SYN3: variants seen among roughly 807,000 people sequenced by gnomAD.
SYN3 encodes synapsin-3.
In SYN3, 35 loss-of-function variants were observed where a neutral mutation model predicts 65.8. That is an observed-to-expected ratio of 0.53 (90% CI 0.41 to 0.70). The LOEUF is 0.70. Ranked by LOEUF, SYN3 falls within the 30% of genes least tolerant of loss-of-function variation. SYN3 has a pLI of 0.00. For synonymous variants in SYN3, 270 were observed against 292.9 expected, an observed-to-expected ratio of 0.92 and a Z score of 0.80; for missense variants, 680 against 749.0, an observed-to-expected ratio of 0.91 and a Z score of 1.08.
chr22:32,835,354 G>A (rs140433634), intron 6 of SYN3, among the ~76,000 whole-genome samples: 3 of 152,172 alleles, frequency 2.0e-5, no homozygotes, highest in Non-Finnish European at 4.4e-5. Context: ...GTGAGTGTAT[G>A]GGGGCAGGGA....
intron 2 of SYN3, among the ~76,000 whole-genome samples, chr22:32,995,083 G>C (rs945243254): frequency 6.6e-6 from 1 of 152,172 alleles, no homozygotes; most frequent in Non-Finnish European, 1.5e-5. Context: ...CAGGCCGTCT[G>C]GCTCTGGACT....
At chr22:32,795,358 G>A (rs1894457) in intron 6 of SYN3, among the ~76,000 whole-genome samples, 5,357 of 152,326 alleles carry the variant, frequency 0.035, 314 homozygotes, top group African/African-American at 0.12. Flanking sequence ...GAGAGGAAGG[G>A]ATGGTTAGAA....
intron 6 of SYN3, among the ~76,000 whole-genome samples, chr22:32,597,674 C>G (rs2042659257): frequency 6.6e-6 from 1 of 152,218 alleles, no homozygotes; most frequent in African/African-American, 2.4e-5. Flanking sequence ...TGCTGAGCGA[C>G]TGCTCTGCGT....
intron 6 of SYN3, among the ~76,000 whole-genome samples, chr22:32,749,574 G>A (rs2045048575): frequency 6.6e-6 from 1 of 152,096 alleles, no homozygotes; most frequent in African/African-American, 2.4e-5. Context: ...CTGGGTGGCA[G>A]GGGTTGCAGT....
At chr22:32,938,531 G>GAA (rs1381175480) in intron 3 of SYN3, among the ~76,000 whole-genome samples, 3 of 71,990 alleles carry the variant, frequency 4.2e-5, no homozygotes, top group Admixed American at 1.4e-4. Flanking sequence ...CTCTGTCTCA[G>GAA]AAAAAAAAAA....
At position 32,556,803 on chromosome 22, in the gene SYN3, G is replaced by GTTTTTTTTTTTTTT. The variant is rs1491135400; in HGVS notation, c.775-15091_775-15090insAAAAAAAAAAAAAA. Among the ~76,000 whole-genome samples the GTTTTTTTTTTTTTT allele has an allele frequency of 3.2e-3, 112 of 35,246 alleles. 45 individuals carry two copies. Among genetic ancestry groups the GTTTTTTTTTTTTTT allele is most frequent in the Non-Finnish European group, 4.4e-3 (78 of 17,868 alleles). 23.1% of individuals were successfully genotyped at this position (35,246 alleles called of 152,430 possible). On this transcript the variant is annotated intron_variant, in intron 7 of 13. Transcript: ENST00000358763. Reference sequence around the variant, plus strand: ...CAATGACCCAATCTATAGGTTTCCTGGTTTTTTTTTTTTTTTTTTTTTTTT... The same window carrying GTTTTTTTTTTTTTT: ...CAATGACCCAATCTATAGGTTTCCTGTTTTTTTTTTTTTTGTTTTTTTTTTTTTTTTTTTTTTTT...
chr22:32,889,345 T>C (rs935067753), intron 4 of SYN3, among the ~76,000 whole-genome samples: 6 of 152,032 alleles, frequency 3.9e-5, no homozygotes, highest in South Asian at 2.1e-4. Flanking sequence ...TTTGGAAGGG[T>C]TTGCTTTCTA....
chr22:32,710,882 C>T (rs2060955073), intron 6 of SYN3, among the ~76,000 whole-genome samples: 1 of 152,094 alleles, frequency 6.6e-6, no homozygotes, highest in Non-Finnish European at 1.5e-5. Context: ...TTCTTTATAG[C>T]AATGCAAGAA....
intron 6 of SYN3, among the ~76,000 whole-genome samples, chr22:32,750,317 G>A (rs1367039043): frequency 2.0e-5 from 3 of 152,172 alleles, no homozygotes; most frequent in Non-Finnish European, 2.9e-5. Context: ...GGTGTGGGAC[G>A]GAATCATATG....
Position 32,991,111 on chromosome 22 carries a change from A to G in SYN3, c.312-10409T>C, listed in dbSNP as rs571540709. ...GGCAGGAGAATTGCTTGAACCCAGGAGGCAGAGGTTGCAGTGAGCCGAGAT... is the reference window on the plus strand; with the variant it reads ...GGCAGGAGAATTGCTTGAACCCAGGGGGCAGAGGTTGCAGTGAGCCGAGAT... On this transcript the variant is annotated intron_variant, in intron 2 of 13. Transcript: ENST00000358763. Among the ~76,000 whole-genome samples the G allele has an allele frequency of 5.8e-3, 875 of 152,126 alleles. 6 individuals carry two copies. Among genetic ancestry groups the G allele is most frequent in the South Asian group, 0.028 (137 of 4,814 alleles).
chr22:32,753,479 C>T (rs1358489137), intron 6 of SYN3, among the ~76,000 whole-genome samples: 1 of 152,202 alleles, frequency 6.6e-6, no homozygotes, highest in African/African-American at 2.4e-5. Context: ...AGGGCCCAGG[C>T]CCAACAGACT....
At chr22:32,607,414 C>G (rs932136529) in intron 6 of SYN3, among the ~76,000 whole-genome samples, 8 of 152,180 alleles carry the variant, frequency 5.3e-5, no homozygotes, top group African/African-American at 1.9e-4. Flanking sequence ...GCTGCCACCA[C>G]CCGCCCAGGT....
chr22:32,705,952 C>G (rs2060875364), intron 6 of SYN3, among the ~76,000 whole-genome samples: 1 of 152,152 alleles, frequency 6.6e-6, no homozygotes, highest in African/African-American at 2.4e-5. Context: ...GCTTAAAGAG[C>G]TTTTGGGCTG....
chr22:33,008,086 A>G (rs950897450), intron 1 of SYN3, among the ~76,000 whole-genome samples: 2 of 152,036 alleles, frequency 1.3e-5, no homozygotes, highest in African/African-American at 4.8e-5. Context: ...ACAGGCACCC[A>G]CCACCACGCC....
intron 3 of SYN3, among the ~76,000 whole-genome samples, chr22:32,979,897 C>T (rs1368893281): frequency 6.6e-6 from 1 of 152,100 alleles, no homozygotes; most frequent in African/African-American, 2.4e-5. Flanking sequence ...TGGAGTATGG[C>T]TCCAGAACCT....
intron 7 of SYN3, among the ~76,000 whole-genome samples, chr22:32,569,600 A>G (rs559714342): frequency 1.9e-4 from 27 of 139,998 alleles, no homozygotes; most frequent in African/African-American, 5.5e-4. Context: ...AAATCTATCT[A>G]TTTCTTCTAG....
chr22:32,683,864 T>C (rs2060555671), intron 6 of SYN3, among the ~76,000 whole-genome samples: 1 of 152,166 alleles, frequency 6.6e-6, no homozygotes, highest in Non-Finnish European at 1.5e-5. Context: ...CCCCTCATAG[T>C]CTAGAAGTAC....
intron 13 of SYN3, among the ~76,000 whole-genome samples, chr22:32,516,972 G>A (rs2057789371): frequency 6.6e-6 from 1 of 152,212 alleles, no homozygotes; most frequent in South Asian, 2.1e-4. Context: ...GGCCTTGAAA[G>A]AAGGTAGAGC....
At chr22:32,683,255 CAGG>C (rs2060547698) in intron 6 of SYN3, among the ~76,000 whole-genome samples, 1 of 152,090 alleles carries the variant, frequency 6.6e-6, no homozygotes, top group Admixed American at 6.5e-5. Context: ...GGGGGCAGTG[CAGG>C]AGATGATGTT....
Sources: allele counts gnomAD v4.1 joint callset (sites outside exome capture counted in the v4.1 genomes callset), GRCh38; gene constraint gnomAD v4.1.1; transcripts MANE v1.5; gene names NCBI Gene and HGNC (gene_info 2026-07-23, HGNC 2026-07-21).